The following DIP2C variants were observed in gnomAD, a reference collection of about 807,000 sequenced individuals.
DIP2C encodes the protein DIP2 acetate--CoA ligase C (putative), also known as disco-interacting protein 2 homolog C.
Under a neutral mutation model 192.4 loss-of-function variants are expected in DIP2C, and 33 were observed. The ratio of observed to expected loss-of-function variants is 0.17; its 90% CI spans 0.13 to 0.23. The LOEUF (loss-of-function observed/expected upper bound fraction) is 0.23, where lower values mean the gene tolerates loss of function less well. DIP2C is among the 10% of genes least tolerant of loss of function. The probability of loss-of-function intolerance (pLI) is 1.00; values close to 1 mark genes in which losing one functional copy is unlikely to be tolerated. For missense variants in DIP2C, 1,537 were observed against 2,110.1 expected (o/e 0.73, Z 5.32); for synonymous variants, 979 against 864.1 (o/e 1.13, Z -2.33).
intron 1 of DIP2C, among the ~76,000 whole-genome samples, chr10:534,873 T>TCA (rs764140117): frequency 4.6e-5 from 7 of 151,646 alleles, no homozygotes; most frequent in Admixed American, 2.0e-4. Context: ...AGACGGGGTT[T>TCA]CACCTTGTTA....
intron 1 of DIP2C, among the ~76,000 whole-genome samples, chr10:609,641 G>C (rs1406663772): frequency 6.6e-6 from 1 of 152,208 alleles, no homozygotes; most frequent in Non-Finnish European, 1.5e-5. Flanking sequence ...TCTGTGGTTA[G>C]AGTATTTAAC....
At chr10:433,200 C>A (rs1966905457) in intron 4 of DIP2C, among the ~76,000 whole-genome samples, 1 of 152,192 alleles carries the variant, frequency 6.6e-6, no homozygotes, top group Admixed American at 6.5e-5. Context: ...GTTAAAGTCT[C>A]CAACTATAAT....
intron 1 of DIP2C, chr10:665,682 C>G (rs1007412578): frequency 1.3e-5 from 2 of 152,450 alleles, no homozygotes; most frequent in South Asian, 2.1e-4. Flanking sequence ...CCAAACGCTA[C>G]GCGAAACCAC....
intron 12 of DIP2C, 71 bp downstream of exon 12, chr10:390,193 T>G (rs1963347554): frequency 6.3e-7 from 1 of 1,593,056 alleles, no homozygotes; most frequent in African/African-American, 1.3e-5. Flanking sequence ...GGCACTCGTG[T>G]AACCGTCAGA....
At chr10:579,915 A>C (rs1020685473) in intron 1 of DIP2C, among the ~76,000 whole-genome samples, 1 of 152,112 alleles carries the variant, frequency 6.6e-6, no homozygotes, top group Non-Finnish European at 1.5e-5. Context: ...ATATGCATAC[A>C]ATGTACATAT....
chr10:571,099 T>G (rs1849770483), intron 1 of DIP2C, among the ~76,000 whole-genome samples: 1 of 152,242 alleles, frequency 6.6e-6, no homozygotes, highest in South Asian at 2.1e-4. Context: ...GCTGGCCGAC[T>G]GCTCTGTAGA....
At chr10:328,511 A>G (rs917970956) in intron 30 of DIP2C, among the ~76,000 whole-genome samples, 1 of 152,252 alleles carries the variant, frequency 6.6e-6, no homozygotes, top group African/African-American at 2.4e-5. Context: ...GGTTATTTAT[A>G]TATGTGCCAA....
chr10:557,672 G>C (rs1466200496), intron 1 of DIP2C, among the ~76,000 whole-genome samples: 2 of 37,620 alleles, frequency 5.3e-5, no homozygotes, highest in Non-Finnish European at 9.1e-5. Context: ...ATACACATGT[G>C]GGGGTGGGGG....
chr10:430,502 G>C (rs1725957379), intron 4 of DIP2C: 1 of 152,206 alleles, frequency 6.6e-6, no homozygotes, highest in African/African-American at 2.4e-5. Context: ...CATCACACTT[G>C]GCTGGCCCCT....
In DIP2C at chr10:417,880, A is replaced by G. The variant is rs375073197; in HGVS notation, c.739+1185T>C. On this transcript the variant is annotated intron_variant, in intron 6 of 36. Transcript: ENST00000280886. ...AGAGCTCGGACAGGCCTCCCTGTCCACCTGCACCTGTCAGGGCTCGGATAG... is the reference window on the plus strand; with the variant it reads ...AGAGCTCGGACAGGCCTCCCTGTCCGCCTGCACCTGTCAGGGCTCGGATAG... 1.6e-3 allele frequency among the ~76,000 whole-genome samples: 121 copies of G among 75,974 alleles called. 17 individuals carry two copies. The highest frequency in any genetic ancestry group is 2.3e-3 in the Non-Finnish European group (90 of 39,470). 49.8% of individuals were successfully genotyped at this position (75,974 alleles called of 152,430 possible).
chr10:458,938 G>A (rs10795167), intron 3 of DIP2C, among the ~76,000 whole-genome samples: 125,115 of 149,590 alleles, frequency 0.84, 55,223 homozygotes, highest in Non-Finnish European at 0.96. Context: ...CATAAAATCC[G>A]CCTCAAGGAT....
intron 1 of DIP2C, among the ~76,000 whole-genome samples, chr10:643,160 G>A (rs1393909502): frequency 6.7e-6 from 1 of 148,670 alleles, no homozygotes; most frequent in African/African-American, 2.5e-5. Context: ...GGAGGTTGCA[G>A]TGACCCAAGA....
At chr10:297,283 C>T (rs1003450926) in intron 32 of DIP2C, among the ~76,000 whole-genome samples, 2 of 125,920 alleles carry the variant, frequency 1.6e-5, no homozygotes, top group African/African-American at 5.9e-5. Context: ...CACCAAACTA[C>T]GAACAGAACT....
chr10:573,995 C>G (rs562658607), intron 1 of DIP2C, among the ~76,000 whole-genome samples: 79 of 152,332 alleles, frequency 5.2e-4, no homozygotes, highest in Admixed American at 1.7e-3. Context: ...TGTCACTTTC[C>G]TCAACGGGAA....
chr10:533,616 G>A (rs538689412), intron 1 of DIP2C, among the ~76,000 whole-genome samples: 1 of 146,824 alleles, frequency 6.8e-6, no homozygotes, highest in African/African-American at 2.6e-5. Context: ...AGGCAAACCT[G>A]CCTCCCCATG....
intron 1 of DIP2C, among the ~76,000 whole-genome samples, chr10:648,092 T>C (rs1394509903): frequency 9.0e-5 from 5 of 55,754 alleles, no homozygotes; most frequent in African/African-American, 1.5e-4. Context: ...CGAGAACAGA[T>C]GGAAACAGTC....
intron 1 of DIP2C, among the ~76,000 whole-genome samples, chr10:569,474 G>A (rs78900242): frequency 0.03 from 4,624 of 152,278 alleles, 234 homozygotes; most frequent in African/African-American, 0.1. Context: ...TGGCATTCCC[G>A]TGAGAAAATG....
intron 13 of DIP2C, among the ~76,000 whole-genome samples, chr10:388,606 ACCAC>A (rs768422313): frequency 1.7e-4 from 26 of 151,872 alleles, no homozygotes; most frequent in Non-Finnish European, 3.7e-4. Flanking sequence ...CACAAGCGTG[ACCAC>A]CCTGGACCTT....
rs150571313 is a variant in DIP2C at position 589,085 on chromosome 10, G to A, written c.85+100409C>T. ...AATGCACATCTCGCTGAAACCAGTC[G>A]CACTGAAGGTCATTTCAGATGCTTT... On this transcript the variant is annotated intron_variant, in intron 1 of 36. Transcript: ENST00000280886. 5.5e-4 allele frequency among the ~76,000 whole-genome samples: 83 copies of A among 152,150 alleles called. 1 individual carries two copies. Among genetic ancestry groups the A allele is most frequent in the Middle Eastern group, 3.4e-3 (1 of 294 alleles).
Sources: gnomAD v4.1 joint callset for allele counts (sites outside exome capture counted in the v4.1 genomes callset) on GRCh38, gnomAD v4.1.1 for gene constraint, MANE v1.5 for transcripts, NCBI Gene and HGNC (gene_info 2026-07-23, HGNC 2026-07-21) for gene names.